The following LPP variants were observed in gnomAD, a reference collection of about 807,000 sequenced individuals.
LPP encodes the protein LIM domain containing preferred translocation partner in lipoma.
LPP carries 38 observed loss-of-function variants against 60.4 expected under a neutral mutation model. The observed-to-expected ratio is 0.63, with a 90% confidence interval of 0.49 to 0.83. The LOEUF (loss-of-function observed/expected upper bound fraction) is 0.83, where lower values mean the gene tolerates loss of function less well. LPP is among the 40% of genes least tolerant of loss of function. The pLI, the probability that LPP is intolerant of heterozygous loss-of-function variation, is 0.00. For missense variants in LPP, 902 were observed against 783.6 expected, an observed-to-expected ratio of 1.15 and a Z score of -1.80; for synonymous variants, 328 against 290.8, an observed-to-expected ratio of 1.13 and a Z score of -1.30.
intron 9 of LPP, among the ~76,000 whole-genome samples, chr3:188,854,787 T>C (rs1446302783): frequency 6.6e-6 from 1 of 152,220 alleles, no homozygotes; most frequent in African/African-American, 2.4e-5. Context: ...AGACCACTTA[T>C]AGCTTACTGT....
intron 1 of LPP, among the ~76,000 whole-genome samples, chr3:188,156,376 T>C (rs1014139333): frequency 6.6e-5 from 10 of 152,018 alleles, no homozygotes; most frequent in Non-Finnish European, 1.2e-4. Flanking sequence ...AGAGGAAACT[T>C]GGTTATAAAG....
At chr3:188,404,567 A>G (rs1419614451) in intron 3 of LPP, among the ~76,000 whole-genome samples, 1 of 152,168 alleles carries the variant, frequency 6.6e-6, no homozygotes, top group African/African-American at 2.4e-5. Context: ...CAGTGAAACT[A>G]TCTGAGGCTC....
chr3:188,634,913 T>C (rs1175169597), intron 7 of LPP, among the ~76,000 whole-genome samples: 1 of 152,002 alleles, frequency 6.6e-6, no homozygotes, highest in Non-Finnish European at 1.5e-5. Context: ...CATGGAAAAA[T>C]TGGAGACCAC....
chr3:188,503,535 A>G (rs901774921), intron 5 of LPP, among the ~76,000 whole-genome samples: 5 of 151,880 alleles, frequency 3.3e-5, no homozygotes, highest in African/African-American at 1.2e-4. Flanking sequence ...ATTTCTTTGT[A>G]TGATTTTTGA....
intron 1 of LPP, among the ~76,000 whole-genome samples, chr3:188,223,786 A>C (rs1486656750): frequency 1.3e-5 from 2 of 152,178 alleles, no homozygotes; most frequent in East Asian, 3.9e-4. Context: ...GGGTAGGGAC[A>C]ACCTTTTTCG....
At chr3:188,644,365 A>C (rs956451319) in intron 7 of LPP, among the ~76,000 whole-genome samples, 5 of 152,192 alleles carry the variant, frequency 3.3e-5, no homozygotes, top group Non-Finnish European at 1.5e-5. Context: ...TCTTATGGAG[A>C]AGCTTAAATA....
At chr3:188,845,458 G>A (rs959270942) in intron 9 of LPP, among the ~76,000 whole-genome samples, 4 of 152,174 alleles carry the variant, frequency 2.6e-5, no homozygotes, top group South Asian at 2.1e-4. Context: ...TATCCACACC[G>A]TAAAGTGAAT....
At chr3:188,736,520 A>C (rs750392415) in intron 8 of LPP, among the ~76,000 whole-genome samples, 3 of 152,168 alleles carry the variant, frequency 2.0e-5, no homozygotes, top group Non-Finnish European at 2.9e-5. Context: ...AGATTTAGGA[A>C]AAGAAACTAC....
chr3:188,465,017 C>A (rs1012495203), intron 4 of LPP, among the ~76,000 whole-genome samples: 72 of 142,304 alleles, frequency 5.1e-4, no homozygotes, highest in Non-Finnish European at 7.1e-4. Context: ...CCAAAACATA[C>A]ACACACAAAA....
At chr3:188,753,907 C>G in intron 8 of LPP, among the ~76,000 whole-genome samples, 1 of 152,214 alleles carries the variant, frequency 6.6e-6, no homozygotes, top group South Asian at 2.1e-4. Context: ...CAGATATACA[C>G]AAGCACAGTG....
rs191460992 is a variant in LPP, at chr3:188,661,453, A to G, written c.1114-46814A>G. Among the ~76,000 whole-genome samples the G allele has an allele frequency of 4.8e-3, 738 of 152,310 alleles. 14 individuals are homozygous for G. Among genetic ancestry groups the G allele is most frequent in the African/African-American group, 0.016 (686 of 41,576 alleles). ...AGTATCTGTACCATTTTGCGGTCCC[A>G]CCTGCAATGAATGCGTGTTCCTGTT... On this transcript the variant is annotated intron_variant, in intron 7 of 11. Coordinates refer to ENST00000617246, the MANE Select transcript of LPP (RefSeq NM_001375462.1).
intron 3 of LPP, among the ~76,000 whole-genome samples, chr3:188,377,694 C>T (rs1216436905): frequency 1.3e-5 from 2 of 152,194 alleles, no homozygotes; most frequent in African/African-American, 4.8e-5. Flanking sequence ...CTGAAGCCTT[C>T]TTCTCTCAAC....
At position 188,549,852 on chromosome 3, in the gene LPP, G is replaced by T. The variant is rs114027977; in HGVS notation, c.429+25065G>T. On this transcript the variant is annotated intron_variant, in intron 6 of 11. Coordinates refer to ENST00000617246, the MANE Select transcript of LPP (RefSeq NM_001375462.1). ...AACAACAATAAATGTTTGCAGCCTC[G>T]CACATCAATTCTCGAACCCTGTTCT... Among the ~76,000 whole-genome samples, 759 of 152,218 alleles carry T rather than the reference G, an allele frequency of 5.0e-3. 8 individuals carry two copies. The highest frequency in any genetic ancestry group is 0.018 in the African/African-American group (738 of 41,526).
At chr3:188,347,255 C>G (rs755095997) in intron 3 of LPP, among the ~76,000 whole-genome samples, 14 of 151,992 alleles carry the variant, frequency 9.2e-5, no homozygotes, top group Non-Finnish European at 1.8e-4. Flanking sequence ...TAGATGGGCC[C>G]CAGAGGAATA....
intron 1 of LPP, chr3:188,180,113 T>C (rs1724484209): frequency 6.6e-6 from 1 of 152,586 alleles, no homozygotes; most frequent in African/African-American, 2.4e-5. Context: ...CACTTAACTA[T>C]CTTCCTGCTC....
intron 9 of LPP, among the ~76,000 whole-genome samples, chr3:188,842,430 T>G (rs1326916294): frequency 6.6e-6 from 1 of 152,212 alleles, no homozygotes; most frequent in Non-Finnish European, 1.5e-5. Flanking sequence ...ATTAATCTCT[T>G]GTCAAATGGA....
chr3:188,360,025 C>A (rs772250539), intron 3 of LPP, among the ~76,000 whole-genome samples: 3 of 152,188 alleles, frequency 2.0e-5, no homozygotes, highest in Admixed American at 1.3e-4. Flanking sequence ...CAAGATACCT[C>A]TTTTTCAACC....
chr3:188,595,459 T>C (rs1007789169), intron 6 of LPP, among the ~76,000 whole-genome samples: 1 of 152,232 alleles, frequency 6.6e-6, no homozygotes, highest in South Asian at 2.1e-4. Context: ...CACCTTGATC[T>C]TGGGCTAGCC....
At chr3:188,600,064 T>C (rs1273162925) in intron 6 of LPP, among the ~76,000 whole-genome samples, 1 of 151,786 alleles carries the variant, frequency 6.6e-6, no homozygotes, top group Non-Finnish European at 1.5e-5. Context: ...CTGTAACCTT[T>C]TAAAATACAT....
Sources: gnomAD v4.1 joint callset for allele counts (sites outside exome capture counted in the v4.1 genomes callset) on GRCh38, gnomAD v4.1.1 for gene constraint, MANE v1.5 for transcripts, NCBI Gene and HGNC (gene_info 2026-07-23, HGNC 2026-07-21) for gene names.